ABCA10: variants seen among roughly 807,000 people sequenced by gnomAD.
ABCA10 encodes ATP-binding cassette sub-family A member 10.
Under a neutral mutation model 187.5 loss-of-function variants are expected in ABCA10, and 169 were observed. That is an observed-to-expected ratio of 0.90 (90% CI 0.80 to 1.02). The LOEUF is 1.02. ABCA10 is among the 50% of genes least tolerant of loss of function. The probability of loss-of-function intolerance (pLI) is 0.00; values close to 1 mark genes in which losing one functional copy is unlikely to be tolerated. For missense variants in ABCA10, 1,727 were observed against 1,812.4 expected, an observed-to-expected ratio of 0.95 and a Z score of 0.86; for synonymous variants, 574 against 601.8, an observed-to-expected ratio of 0.95 and a Z score of 0.68.
intron 3 of ABCA10, among the ~76,000 whole-genome samples, chr17:69,224,204 A>G (rs1456132282): frequency 6.6e-6 from 1 of 152,208 alleles, no homozygotes; most frequent in African/African-American, 2.4e-5. Flanking sequence ...CTCACATAAA[A>G]TAATTAAAAT....
chr17:69,206,596 T>A (rs1366211319), intron 9 of ABCA10, among the ~76,000 whole-genome samples: 2 of 152,210 alleles, frequency 1.3e-5, no homozygotes, highest in Non-Finnish European at 2.9e-5. Context: ...AAATGAGAGA[T>A]TGTTTCCTGT....
intron 28 of ABCA10, among the ~76,000 whole-genome samples, 200 bp from the exon 29 acceptor site, chr17:69,156,125 C>CT (rs890743099): frequency 3.9e-5 from 6 of 152,318 alleles, no homozygotes; most frequent in African/African-American, 1.2e-4. Flanking sequence ...TATTTCTTCT[C>CT]TTTAAAACAT....
intron 10 of ABCA10, among the ~76,000 whole-genome samples, 179 bp downstream of exon 10, chr17:69,201,321 T>G (rs919605038): frequency 2.0e-5 from 3 of 152,148 alleles, no homozygotes; most frequent in Non-Finnish European, 4.4e-5. Context: ...CTCTTAAATT[T>G]TACTGTTGAT....
chr17:69,166,339 C>A (rs1378606467), intron 25 of ABCA10, among the ~76,000 whole-genome samples: 69 of 144,740 alleles, frequency 4.8e-4, no homozygotes, highest in Non-Finnish European at 4.8e-4. Flanking sequence ...CATGAGATTA[C>A]AAAAAAAAAA....
chr17:69,195,554 C>CTTTTTTTTTTTTTTTTTTTTTT (rs59069489), intron 11 of ABCA10, among the ~76,000 whole-genome samples: 2 of 102,952 alleles, frequency 1.9e-5, no homozygotes, highest in African/African-American at 4.2e-5. Flanking sequence ...TGAAGTTTTT[C>CTTTTTTTTTTTTTTTTTTTTTT]TTTTTTTTTT....
Position 69,190,422 on chromosome 17 carries a change from A to C in ABCA10, c.2067T>G (p.Val689=), listed in dbSNP as rs1345413174. ...ATACTTCATTCAGAGATGTCACTGAAACAGCATAATTCCTTATGCCCTGGT... is the reference window on the plus strand; with the variant it reads ...ATACTTCATTCAGAGATGTCACTGACACAGCATAATTCCTTATGCCCTGGT... ...CSDQGIRNYA[V]SVTSLNEVFL... Residue 689 remains valine, a synonymous_variant, in exon 18 of 39, where the codon GTT becomes GTG. Transcript: ENST00000690296. 1.0e-5 allele frequency: 16 copies of C among 1,586,080 alleles called. No individual in the cohort carries two copies. Among genetic ancestry groups the C allele is most frequent in the Non-Finnish European group, 1.3e-5 (15 of 1,172,136 alleles).
chr17:69,192,970 C>A, intron 15 of ABCA10, 140 bp downstream of exon 15: 1 of 1,218,042 alleles, frequency 8.2e-7, no homozygotes, highest in Non-Finnish European at 1.1e-6. Flanking sequence ...CTGTTGTAGC[C>A]AATGGCATGT....
At chr17:69,153,108 T>C (rs1832915379) in intron 34 of ABCA10, among the ~76,000 whole-genome samples, 197 bp downstream of exon 34, 1 of 152,176 alleles carries the variant, frequency 6.6e-6, no homozygotes, top group African/African-American at 2.4e-5. Flanking sequence ...AGAGTTTATT[T>C]GGGTCTTAAA....
chr17:69,204,323 A>C (rs1217569855), intron 9 of ABCA10, among the ~76,000 whole-genome samples: 2 of 152,184 alleles, frequency 1.3e-5, no homozygotes, highest in Non-Finnish European at 2.9e-5. Context: ...ACTGTTGTCA[A>C]ATAGGAAAGG....
intron 1 of ABCA10, among the ~76,000 whole-genome samples, chr17:69,235,545 C>T (rs1457430474): frequency 6.6e-6 from 1 of 152,174 alleles, no homozygotes; most frequent in Non-Finnish European, 1.5e-5. Context: ...TCATTCAGTT[C>T]TGGCTTCTTA....
At position 69,211,321 on chromosome 17, in the gene ABCA10, A is replaced by G. The variant is rs1365392253; in HGVS notation, c.1006+3383T>C. The stretch of plus-strand genomic sequence containing the variant: ...TATATACATCATATATATGATATAT[A>G]TATATATATATATATATATATATAT... On this transcript the variant is annotated intron_variant, in intron 9 of 38. Coordinates refer to ENST00000690296, the MANE Select transcript of ABCA10 (RefSeq NM_001377321.1). 8.6e-3 allele frequency among the ~76,000 whole-genome samples: 55 copies of G among 6,432 alleles called. 1 individual carries two copies. The highest frequency in any genetic ancestry group is 0.05 in the African/African-American group (53 of 1,066). 4.2% of individuals were successfully genotyped at this position (6,432 alleles called of 152,430 possible). A position where few individuals can be genotyped will look rare whatever the true frequency, so the allele number is the denominator to read the frequency against.
Position 69,190,364 on chromosome 17 carries a change from C to A in ABCA10, c.2125G>T (p.Glu709Ter). 1 of 1,547,368 alleles carries A rather than the reference C, an allele frequency of 6.5e-7. No individual in the cohort carries two copies. Among genetic ancestry groups the A allele is most frequent in the African/African-American group, 1.4e-5 (1 of 70,502 alleles). ...LNLEGKSAID[E>*]PDFDIGKQEK... Reference sequence around the variant, plus strand: ...TAGACACACATTTTTATACCTGGTTCATCAATTGCTGATTTTCCTTCTAGG... The same window carrying A: ...TAGACACACATTTTTATACCTGGTTAATCAATTGCTGATTTTCCTTCTAGG... Residue 709 changes from glutamate (E) to a stop codon, truncating the protein, a stop_gained, in exon 18 of 39, where the codon GAA becomes TAA. Transcript: ENST00000690296. LOFTEE classifies it high-confidence loss of function.
intron 10 of ABCA10, 113 bp downstream of exon 10, chr17:69,201,387 C>T: frequency 1.0e-6 from 1 of 984,560 alleles, no homozygotes; most frequent in South Asian, 3.1e-5. Context: ...AGGATGATGG[C>T]AGAGAAATAA....
rs185826681 is a variant in ABCA10 at position 69,169,184 on chromosome 17, T to C, written c.3163-4101A>G. Among the ~76,000 whole-genome samples, 22 of 152,306 alleles carry C rather than the reference T, an allele frequency of 1.4e-4. No individual in the cohort carries two copies. The East Asian group carries it at 4.2e-3, about 29-fold the overall frequency. Reference sequence around the variant, plus strand: ...CTGAACCTCAAAAGAACTGAAATAATGTGTTCAATTTCTTATAGCTACTAA... The same window carrying C: ...CTGAACCTCAAAAGAACTGAAATAACGTGTTCAATTTCTTATAGCTACTAA... On this transcript the variant is annotated intron_variant, in intron 25 of 38. Transcript: ENST00000690296.
At chr17:69,230,422 T>C (rs898356145), upstream of ABCA10, among the ~76,000 whole-genome samples, 2 of 152,104 alleles carry the variant, frequency 1.3e-5, no homozygotes, top group Non-Finnish European at 2.9e-5. Flanking sequence ...TCTGTGTCCC[T>C]TGGAGAGGTC....
rs1321587978 is a variant in ABCA10 at position 69,182,157 on chromosome 17, G to T, written c.2765C>A (p.Ser922Tyr). ...TAAGTCGAATACTCTACTTACACGA[G>T]AAAATGAAGTGCTCTCCATTTGAAT... Reference protein sequence around the residue: ...ELIQMESTSFSRDDIVLDLGF... With the variant: ...ELIQMESTSFYRDDIVLDLGF... Residue 922 changes from serine (S) to tyrosine (Y), a missense_variant, in exon 22 of 39, where the codon TCT becomes TAT. By Grantham distance (144) the Ser-to-Tyr change is moderately radical. Coordinates refer to ENST00000690296, the MANE Select transcript of ABCA10 (RefSeq NM_001377321.1). 1 of 1,575,232 alleles carries T rather than the reference G, an allele frequency of 6.3e-7. No individual in the cohort carries two copies. Among genetic ancestry groups the T allele is most frequent in the South Asian group, 1.2e-5 (1 of 84,718 alleles).
upstream of ABCA10, among the ~76,000 whole-genome samples, chr17:69,231,372 G>A (rs927149609): frequency 3.3e-5 from 5 of 152,068 alleles, 1 homozygote; most frequent in Admixed American, 3.3e-4. Context: ...GGTTATTTGA[G>A]ATCTTTCTAC....
intron 22 of ABCA10, among the ~76,000 whole-genome samples, chr17:69,180,914 A>G (rs1206364199): frequency 6.6e-6 from 1 of 152,152 alleles, no homozygotes; most frequent in Admixed American, 6.5e-5. Context: ...TATCATAATC[A>G]AACACACCAG....
At chr17:69,150,843 C>T (rs976436426) in intron 36 of ABCA10, among the ~76,000 whole-genome samples, 34 of 152,178 alleles carry the variant, frequency 2.2e-4, no homozygotes, top group Non-Finnish European at 3.1e-4. Flanking sequence ...TTCATTATCA[C>T]AAAAATTCTA....
Sources: gnomAD v4.1 joint callset for allele counts (sites outside exome capture counted in the v4.1 genomes callset) on GRCh38, gnomAD v4.1.1 for gene constraint, MANE v1.5 for transcripts, NCBI Gene and HGNC (gene_info 2026-07-23, HGNC 2026-07-21) for gene names.